Variants in CACNA2D3 observed in about 807,000 individuals in gnomAD.
The protein encoded by CACNA2D3 is calcium voltage-gated channel auxiliary subunit alpha2delta 3.
In CACNA2D3, 60 loss-of-function variants were observed where a neutral mutation model predicts 160.6. The ratio of observed to expected loss-of-function variants is 0.37; its 90% confidence interval spans 0.30 to 0.46. The LOEUF is 0.46. CACNA2D3 is among the 20% of genes least tolerant of loss of function. The pLI, the probability that CACNA2D3 is intolerant of heterozygous loss-of-function variation, is 1.00. For synonymous variants in CACNA2D3, 558 were observed against 492.9 expected, an observed-to-expected ratio of 1.13 and a Z score of -1.75; for missense variants, 1,205 against 1,365.0, an observed-to-expected ratio of 0.88 and a Z score of 1.85.
intron 2 of CACNA2D3, among the ~76,000 whole-genome samples, chr3:54,245,671 A>G (rs140133112): frequency 3.9e-5 from 6 of 152,340 alleles, no homozygotes; most frequent in Non-Finnish European, 7.3e-5. Context: ...CAGAGCATCT[A>G]TTCAGAAGGC....
At chr3:54,836,226 C>CT (rs71096454) in intron 14 of CACNA2D3, among the ~76,000 whole-genome samples, 9,775 of 92,100 alleles carry the variant, frequency 0.11, 396 homozygotes, top group Non-Finnish European at 0.12. Flanking sequence ...TTTTTTTTTT[C>CT]TTTTTTTTTT....
chr3:54,599,241 T>TA (rs1012489152), intron 9 of CACNA2D3, among the ~76,000 whole-genome samples: 16 of 152,318 alleles, frequency 1.1e-4, no homozygotes, highest in African/African-American at 3.6e-4. Context: ...GTTCATCACA[T>TA]ACTCTGAGGG....
intron 3 of CACNA2D3, among the ~76,000 whole-genome samples, chr3:54,371,645 T>C (rs757903341): frequency 6.6e-6 from 1 of 152,166 alleles, no homozygotes; most frequent in Non-Finnish European, 1.5e-5. Flanking sequence ...CCATTGACAT[T>C]TATTTGATCT....
At chr3:55,020,833 G>GAGCT (rs1703431647) in intron 35 of CACNA2D3, among the ~76,000 whole-genome samples, 1 of 150,650 alleles carries the variant, frequency 6.6e-6, no homozygotes, top group Non-Finnish European at 1.5e-5. Context: ...CCCGGCAACA[G>GAGCT]AGCTAGATTC....
chr3:54,334,216 A>G (rs1704326907), intron 3 of CACNA2D3, among the ~76,000 whole-genome samples: 1 of 151,334 alleles, frequency 6.6e-6, no homozygotes, highest in Non-Finnish European at 1.5e-5. Context: ...CCTCCCAAGT[A>G]GCTGGGATTA....
intron 11 of CACNA2D3, among the ~76,000 whole-genome samples, chr3:54,723,767 A>C (rs1414634925): frequency 6.6e-6 from 1 of 152,222 alleles, no homozygotes. Flanking sequence ...TTGGAAATGC[A>C]GAAATCACCC....
rs753240626 is a variant in CACNA2D3 at position 54,821,697 on chromosome 3, T to TTTCTTTCCTTCCTTCC, written c.1398+4830_1398+4831insTTTCCTTCCTTCCTTC. Among the ~76,000 whole-genome samples, 619 of 83,988 alleles carry TTTCTTTCCTTCCTTCC rather than the reference T, an allele frequency of 7.4e-3. 10 individuals are homozygous for TTTCTTTCCTTCCTTCC. Among genetic ancestry groups the TTTCTTTCCTTCCTTCC allele is most frequent in the East Asian group, 0.046 (141 of 3,048 alleles). The allele number at this position is 83,988 out of a possible 152,430, so 55.1% of individuals were successfully genotyped here. A position where few individuals can be genotyped will look rare whatever the true frequency, so the allele number is the denominator to read the frequency against. On this transcript the variant is annotated intron_variant, in intron 14 of 37. Transcript: ENST00000474759. ...CTTTCTTTCTTTCTTTCTTTCTTTC[T>TTTCTTTCCTTCCTTCC]TTCCTTCCTTCCTTCTTTCCTCTCT...
chr3:54,210,250 C>G (rs1357081783), intron 2 of CACNA2D3, among the ~76,000 whole-genome samples: 1 of 152,130 alleles, frequency 6.6e-6, no homozygotes, highest in Non-Finnish European at 1.5e-5. Flanking sequence ...TCATGTCAAA[C>G]TAGGATGATG....
At chr3:54,368,262 G>A (rs778527985) in intron 3 of CACNA2D3, among the ~76,000 whole-genome samples, 14 of 152,154 alleles carry the variant, frequency 9.2e-5, no homozygotes, top group Non-Finnish European at 1.5e-4. Flanking sequence ...TTGAGCCCGG[G>A]AGTTCTAGAC....
In CACNA2D3 at chr3:54,747,332, C is replaced by G. The variant is rs1701770013; in HGVS notation, c.1168-5267C>G. Reference sequence around the variant, plus strand: ...AGTTTGAGGACTCTCACTGCCCTGGCCAGAGCCACAGTCATCTCTCACCTG... The same window carrying G: ...AGTTTGAGGACTCTCACTGCCCTGGGCAGAGCCACAGTCATCTCTCACCTG... On this transcript the variant is annotated intron_variant, in intron 11 of 37. Transcript: ENST00000474759. 2.0e-5 allele frequency among the ~76,000 whole-genome samples: 3 copies of G among 152,070 alleles called. No homozygotes were observed. In the South Asian group the frequency reaches 6.2e-4, roughly 32 times the overall value.
chr3:54,247,492 A>G (rs942083662), intron 2 of CACNA2D3, among the ~76,000 whole-genome samples: 1 of 152,244 alleles, frequency 6.6e-6, no homozygotes, highest in Non-Finnish European at 1.5e-5. Context: ...AGAAATAAAG[A>G]TTAAACTAGA....
intron 35 of CACNA2D3, among the ~76,000 whole-genome samples, chr3:55,062,514 C>G (rs972970295): frequency 2.0e-4 from 31 of 152,122 alleles, no homozygotes; most frequent in Admixed American, 1.9e-3. Context: ...CAAAATTACC[C>G]AAATTACAAA....
At chr3:54,820,068 G>T (rs1014857878) in intron 14 of CACNA2D3, among the ~76,000 whole-genome samples, 14 of 152,184 alleles carry the variant, frequency 9.2e-5, no homozygotes, top group African/African-American at 3.1e-4. Context: ...TGAGTTTGTT[G>T]TTCCAGGGGT....
At chr3:54,618,953 C>T (rs1196904723) in intron 9 of CACNA2D3, among the ~76,000 whole-genome samples, 5 of 152,228 alleles carry the variant, frequency 3.3e-5, no homozygotes, top group Admixed American at 3.3e-4. Flanking sequence ...CCACTGAAAG[C>T]ATTCTTCCTC....
chr3:54,327,402 G>A (rs1704141029), intron 3 of CACNA2D3, among the ~76,000 whole-genome samples: 1 of 152,226 alleles, frequency 6.6e-6, no homozygotes, highest in South Asian at 2.1e-4. Flanking sequence ...TTGGTGGACT[G>A]TATCCTAACT....
chr3:54,171,028 C>T (rs1168136230), intron 2 of CACNA2D3, among the ~76,000 whole-genome samples: 1 of 151,472 alleles, frequency 6.6e-6, no homozygotes, highest in Non-Finnish European at 1.5e-5. Flanking sequence ...AGCGTGTGGA[C>T]CAAATGTTCC....
At chr3:54,784,764 G>A (rs1236394430) in intron 13 of CACNA2D3, among the ~76,000 whole-genome samples, 1 of 152,168 alleles carries the variant, frequency 6.6e-6, no homozygotes, top group African/African-American at 2.4e-5. Flanking sequence ...CAGACTTCGT[G>A]AGCAGGCAGG....
intron 27 of CACNA2D3, among the ~76,000 whole-genome samples, chr3:54,903,516 A>G (rs138349583): frequency 5.1e-4 from 78 of 152,350 alleles, no homozygotes; most frequent in African/African-American, 1.8e-3. Context: ...TGCAGAAAAC[A>G]TACACTTGGA....
At chr3:54,816,583 A>C (rs1326460173) in intron 13 of CACNA2D3, among the ~76,000 whole-genome samples, 1 of 152,162 alleles carries the variant, frequency 6.6e-6, no homozygotes, top group Non-Finnish European at 1.5e-5. Flanking sequence ...GCTTTATAGG[A>C]GTTTACCAAC....
Sources: allele counts gnomAD v4.1 joint callset (sites outside exome capture counted in the v4.1 genomes callset), GRCh38; gene constraint gnomAD v4.1.1; transcripts MANE v1.5; gene names NCBI Gene and HGNC (gene_info 2026-07-23, HGNC 2026-07-21).